NIPSNAP3A: variants seen among roughly 807,000 people sequenced by gnomAD.
NIPSNAP3A encodes protein NipSnap homolog 3A.
NIPSNAP3A carries 27 observed loss-of-function variants against 32.3 expected under a neutral mutation model. That is an observed-to-expected ratio of 0.84 (90% confidence interval 0.62 to 1.15). NIPSNAP3A has a LOEUF of 1.15. Among genes scored for constraint, NIPSNAP3A ranks in the 50% most tolerant of loss-of-function variants. NIPSNAP3A has a pLI of 0.00. For missense variants in NIPSNAP3A, 278 were observed against 297.2 expected, an observed-to-expected ratio of 0.94 and a Z score of 0.48; for synonymous variants, 108 against 107.3, an observed-to-expected ratio of 1.01 and a Z score of -0.04.
At chr9:104,748,729 T>TG (rs1827810716) in intron 1 of NIPSNAP3A, among the ~76,000 whole-genome samples, 1 of 152,174 alleles carries the variant, frequency 6.6e-6, no homozygotes, top group Non-Finnish European at 1.5e-5. Context: ...GGGTTAACAA[T>TG]GCAGTTTTTA....
At chr9:104,753,111 A>G (rs780840873) in intron 3 of NIPSNAP3A, 47 bp downstream of exon 3, 7 of 1,487,126 alleles carry the variant, frequency 4.7e-6, no homozygotes, top group Non-Finnish European at 6.6e-6. Flanking sequence ...ATAAAATACT[A>G]AAGAACTTAA....
At chr9:104,756,708 T>A (rs1827910133) in intron 4 of NIPSNAP3A, among the ~76,000 whole-genome samples, 1 of 152,040 alleles carries the variant, frequency 6.6e-6, no homozygotes, top group Non-Finnish European at 1.5e-5. Context: ...TGGGTGTGTA[T>A]GTGTATAGGT....
rs371127894 is a variant in NIPSNAP3A at position 104,759,245 on chromosome 9, A to G, written c.668-17A>G. ...AGTCAGTAACTCTATATGCCTTTCTATGAAATGTTTTTCCAGTTCGGGAAA... is the reference window on the plus strand; with the variant it reads ...AGTCAGTAACTCTATATGCCTTTCTGTGAAATGTTTTTCCAGTTCGGGAAA... On this transcript the variant is annotated splice_polypyrimidine_tract_variant and intron_variant, in intron 5 of 5. Transcript: ENST00000374767. The G allele has an allele frequency of 1.9e-6, 3 of 1,614,142 alleles. No individual in the cohort carries two copies. Among genetic ancestry groups the G allele is most frequent in the African/African-American group, 1.3e-5 (1 of 75,056 alleles).
intron 2 of NIPSNAP3A, among the ~76,000 whole-genome samples, 174 bp downstream of exon 2, chr9:104,751,340 T>G (rs572325160): frequency 3.9e-5 from 6 of 152,332 alleles, no homozygotes; most frequent in Admixed American, 3.9e-4. Flanking sequence ...CAGTTCTTAT[T>G]CTTCCCAGTG....
chr9:104,749,339 G>C (rs1157420502), intron 1 of NIPSNAP3A, among the ~76,000 whole-genome samples: 2 of 152,198 alleles, frequency 1.3e-5, no homozygotes, highest in African/African-American at 4.8e-5. Flanking sequence ...TTAGTCATTT[G>C]AGCAATAAGA....
At chr9:104,755,653 G>A (rs1203401729) in intron 4 of NIPSNAP3A, among the ~76,000 whole-genome samples, 1 of 152,164 alleles carries the variant, frequency 6.6e-6, no homozygotes, top group Non-Finnish European at 1.5e-5. Flanking sequence ...TGATGAGGTA[G>A]CTCATACCTG....
intron 4 of NIPSNAP3A, among the ~76,000 whole-genome samples, chr9:104,755,134 TGGA>T (rs1300131479): frequency 6.6e-6 from 1 of 151,590 alleles, no homozygotes; most frequent in Non-Finnish European, 1.5e-5. Context: ...CCAGCTATTC[TGGA>T]GGCTGAGGCA....
At chr9:104,757,487 A>T (rs1827919372) in intron 4 of NIPSNAP3A, among the ~76,000 whole-genome samples, 1 of 152,212 alleles carries the variant, frequency 6.6e-6, no homozygotes, top group South Asian at 2.1e-4. Context: ...TAATACATTA[A>T]AATGCTTAAA....
chr9:104,756,653 C>A (rs1588161840), intron 4 of NIPSNAP3A, among the ~76,000 whole-genome samples: 1 of 69,980 alleles, frequency 1.4e-5, no homozygotes, highest in Non-Finnish European at 4.8e-5. Flanking sequence ...AAATAAAAGC[C>A]TTATTTTTAT....
intron 4 of NIPSNAP3A, among the ~76,000 whole-genome samples, chr9:104,755,346 G>A (rs1363502708): frequency 2.0e-5 from 3 of 148,592 alleles, no homozygotes; most frequent in Admixed American, 6.9e-5. Context: ...ATATTATTTG[G>A]GGTAGGGAGA....
chr9:104,758,810 A>C (rs929487314), intron 4 of NIPSNAP3A, among the ~76,000 whole-genome samples: 2 of 151,404 alleles, frequency 1.3e-5, no homozygotes, highest in African/African-American at 4.9e-5. Flanking sequence ...AAATACAAAA[A>C]AAAAAAAAAA....
chr9:104,755,817 G>C (rs1827899803), intron 4 of NIPSNAP3A, among the ~76,000 whole-genome samples: 1 of 152,010 alleles, frequency 6.6e-6, no homozygotes, highest in African/African-American at 2.4e-5. Context: ...TACTTGGGAG[G>C]CTGAGGTGGG....
chr9:104,755,882 C>T (rs996602285), intron 4 of NIPSNAP3A, among the ~76,000 whole-genome samples: 3 of 151,902 alleles, frequency 2.0e-5, no homozygotes, highest in South Asian at 2.1e-4. Flanking sequence ...TGCACCACTG[C>T]ACTCCAACCC....
chr9:104,747,789 C>G lies in NIPSNAP3A; in HGVS notation c.-4C>G, dbSNP rs751536267. 5 of 1,607,732 alleles carry G rather than the reference C, an allele frequency of 3.1e-6. No homozygotes were observed. In the East Asian group the frequency reaches 1.1e-4, roughly 36 times the overall value. On this transcript the variant is annotated 5_prime_UTR_variant, in exon 1 of 6. Coordinates refer to ENST00000374767, the MANE Select transcript of NIPSNAP3A (RefSeq NM_015469.3). ...GCTGCTTTTCTCAGCGCCGAAGCCG[C>G]GCCATGCTCGTCCTCAGAAGCGCCC...
chr9:104,750,923 T>G lies in NIPSNAP3A; in HGVS notation c.61-33T>G, dbSNP rs368660196. On this transcript the variant is annotated intron_variant, in intron 1 of 5. Transcript: ENST00000374767. Reference sequence around the variant, plus strand: ...ACACAATATAATGAATCCTGTCTTCTCAAGATATTTACATTTGTCTTATCT... The same window carrying G: ...ACACAATATAATGAATCCTGTCTTCGCAAGATATTTACATTTGTCTTATCT... 594 of 1,512,124 alleles carry G rather than the reference T, an allele frequency of 3.9e-4. 2 individuals are homozygous for G. Among genetic ancestry groups the G allele is most frequent in the Non-Finnish European group, 5.2e-4 (563 of 1,087,220 alleles). 93.7% of individuals were successfully genotyped at this position (1,512,124 alleles called of 1,614,324 possible).
chr9:104,752,299 G>A (rs1346976555), intron 2 of NIPSNAP3A, among the ~76,000 whole-genome samples: 3 of 152,098 alleles, frequency 2.0e-5, no homozygotes, highest in Admixed American at 6.6e-5. Flanking sequence ...AAATCTGTTT[G>A]TTCAAAGGAG....
At chr9:104,756,407 C>T (rs2118758232) in intron 4 of NIPSNAP3A, among the ~76,000 whole-genome samples, 1 of 151,362 alleles carries the variant, frequency 6.6e-6, no homozygotes, top group East Asian at 1.9e-4. Flanking sequence ...TGAAAATCAC[C>T]ATAAATGAAA....
At chr9:104,749,789 C>T (rs1253840062) in intron 1 of NIPSNAP3A, among the ~76,000 whole-genome samples, 3 of 152,010 alleles carry the variant, frequency 2.0e-5, no homozygotes, top group Admixed American at 6.5e-5. Flanking sequence ...ATTTACAGTG[C>T]GTGTATGACT....
chr9:104,758,946 G>A (rs1827938742), intron 4 of NIPSNAP3A, 139 bp from the exon 5 acceptor site: 2 of 919,770 alleles, frequency 2.2e-6, no homozygotes, highest in South Asian at 1.6e-5. Flanking sequence ...CTCCAGCCTA[G>A]GTGACAAGAG....
Sources: gnomAD v4.1 joint callset for allele counts (sites outside exome capture counted in the v4.1 genomes callset) on GRCh38, gnomAD v4.1.1 for gene constraint, MANE v1.5 for transcripts, NCBI Gene and HGNC (gene_info 2026-07-23, HGNC 2026-07-21) for gene names.